PIEZO2: variants seen among roughly 807,000 people sequenced by gnomAD.
PIEZO2 encodes the protein piezo-type mechanosensitive ion channel component 2.
Under a neutral mutation model 337.3 loss-of-function variants are expected in PIEZO2, and 172 were observed. The observed-to-expected ratio is 0.51, with a 90% confidence interval of 0.45 to 0.58. The LOEUF (loss-of-function observed/expected upper bound fraction) is 0.58, where lower values mean the gene tolerates loss of function less well. Ranked by LOEUF, PIEZO2 falls within the 20% of genes least tolerant of loss-of-function variation. The pLI is 0.00. For missense variants in PIEZO2, 3,028 were observed against 3,391.3 expected (o/e 0.89, Z 2.66); for synonymous variants, 1,251 against 1,228.5 (o/e 1.02, Z -0.38).
intron 3 of PIEZO2, among the ~76,000 whole-genome samples, chr18:10,941,867 T>A (rs2032741357): frequency 6.6e-6 from 1 of 152,202 alleles, no homozygotes; most frequent in Non-Finnish European, 1.5e-5. Flanking sequence ...GTAGCTCCCA[T>A]AATTCCCACA....
chr18:10,710,547 T>A (rs552461564), intron 39 of PIEZO2, among the ~76,000 whole-genome samples: 2 of 152,372 alleles, frequency 1.3e-5, no homozygotes, highest in East Asian at 3.9e-4. Flanking sequence ...CCATTTTACA[T>A]CTGGATTTGA....
Position 10,781,883 on chromosome 18 carries a change from C to T in PIEZO2, c.2493-1517G>A, listed in dbSNP as rs916596659. Among the ~76,000 whole-genome samples the T allele has an allele frequency of 2.6e-5, 4 of 151,966 alleles. No homozygotes were observed. Among genetic ancestry groups the T allele is most frequent in the Non-Finnish European group, 4.4e-5 (3 of 67,998 alleles). On this transcript the variant is annotated intron_variant, in intron 17 of 55. Transcript: ENST00000674853. This position sits in a 1 kb window ranked among gnomAD's most constrained non-coding sequence, Gnocchi z 4.1. Reference sequence around the variant, plus strand: ...GATCTGTGGGCCATTTCTTGTAAAGCAACTGTTTAGGAGGCAGGAGCAGAG... The same window carrying T: ...GATCTGTGGGCCATTTCTTGTAAAGTAACTGTTTAGGAGGCAGGAGCAGAG...
chr18:10,719,555 T>C (rs1347411557), intron 36 of PIEZO2, among the ~76,000 whole-genome samples: 2 of 152,236 alleles, frequency 1.3e-5, no homozygotes, highest in Non-Finnish European at 2.9e-5. Context: ...TAGTATTCCA[T>C]GACATATACA....
chr18:10,785,276 T>A (rs1191505825), intron 16 of PIEZO2, among the ~76,000 whole-genome samples: 1 of 152,126 alleles, frequency 6.6e-6, no homozygotes, highest in Non-Finnish European at 1.5e-5. Flanking sequence ...TCCTCCATGA[T>A]CTCCCCCTTT....
intron 9 of PIEZO2, among the ~76,000 whole-genome samples, chr18:10,801,852 C>T (rs112249105): frequency 2.6e-5 from 4 of 152,084 alleles, no homozygotes; most frequent in African/African-American, 7.2e-5. Context: ...TTTGAGAGTC[C>T]AAGGCAGGCA....
rs1299623877 is a variant in PIEZO2, at chr18:10,979,252, G to T, written c.286+283C>A. Reference sequence around the variant, plus strand: ...GCTCCAAGGGCTGTCTGTAACTCTTGAATTTTAGGTTAAGCTCAATGAAAA... The same window carrying T: ...GCTCCAAGGGCTGTCTGTAACTCTTTAATTTTAGGTTAAGCTCAATGAAAA... On this transcript the variant is annotated intron_variant, in intron 3 of 55. Transcript: ENST00000674853. The surrounding 1 kb of genome is among the most constrained non-coding windows in gnomAD (Gnocchi z 4.0). Among the ~76,000 whole-genome samples the T allele has an allele frequency of 6.7e-6, 1 of 149,138 alleles. No homozygotes were observed. The highest frequency in any genetic ancestry group is 2.0e-4 in the East Asian group (1 of 5,094).
intron 4 of PIEZO2, among the ~76,000 whole-genome samples, chr18:10,887,397 C>A (rs2042638854): frequency 6.6e-6 from 1 of 152,006 alleles, no homozygotes; most frequent in Non-Finnish European, 1.5e-5. Flanking sequence ...ACCAGATCTA[C>A]TGAGAACTTG....
intron 4 of PIEZO2, among the ~76,000 whole-genome samples, chr18:10,871,875 T>G (rs1379237437): frequency 6.6e-6 from 1 of 152,200 alleles, no homozygotes; most frequent in Admixed American, 6.5e-5. Flanking sequence ...TTTGTATACT[T>G]GGTTGATTTT....
intron 7 of PIEZO2, among the ~76,000 whole-genome samples, chr18:10,809,146 G>T (rs2040094243): frequency 6.6e-6 from 1 of 150,426 alleles, no homozygotes; most frequent in African/African-American, 2.4e-5. Context: ...GCAATGTATA[G>T]ACCTAAAAAA....
rs567262964 is a variant in PIEZO2, at chr18:11,078,026, GCACACACACC to G, written c.65-11814_65-11805del. Among the ~76,000 whole-genome samples, 829 of 142,150 alleles carry G rather than the reference GCACACACACC, an allele frequency of 5.8e-3. 8 individuals carry two copies. Among genetic ancestry groups the G allele is most frequent in the African/African-American group, 0.015 (535 of 36,166 alleles). The allele number at this position is 142,150 out of a possible 152,430, so 93.3% of individuals were successfully genotyped here. A position where few individuals can be genotyped will look rare whatever the true frequency, so the allele number is the denominator to read the frequency against. Reference sequence around the variant, plus strand: ...CATACACGCAAAAACACATGTGCGTGCACACACACCCACACACACCCACACACACACACAC... The same window carrying G: ...CATACACGCAAAAACACATGTGCGTGCACACACACCCACACACACACACAC... On this transcript the variant is annotated intron_variant, in intron 1 of 55. Coordinates refer to ENST00000674853, the MANE Select transcript of PIEZO2 (RefSeq NM_001378183.1). This position sits in a 1 kb window ranked among gnomAD's most constrained non-coding sequence, Gnocchi z 5.3.
At chr18:10,884,773 C>T (rs2042525249) in intron 4 of PIEZO2, among the ~76,000 whole-genome samples, 1 of 152,064 alleles carries the variant, frequency 6.6e-6, no homozygotes, top group Admixed American at 6.5e-5. Context: ...AGATAAGATA[C>T]ACAGTGGGTG....
At chr18:10,798,280 T>C (rs908078408) in intron 11 of PIEZO2, among the ~76,000 whole-genome samples, 4 of 152,238 alleles carry the variant, frequency 2.6e-5, no homozygotes, top group Admixed American at 2.6e-4. Context: ...CCTTTCTGCC[T>C]TTCTTGTTCA....
intron 14 of PIEZO2, among the ~76,000 whole-genome samples, chr18:10,790,740 C>T (rs1208131238): frequency 6.8e-6 from 1 of 146,154 alleles, no homozygotes; most frequent in African/African-American, 2.6e-5. Context: ...GAGACTCGCT[C>T]TGTCGCCCAG....
Position 10,968,229 on chromosome 18 carries a change from T to C in PIEZO2, c.286+11306A>G, listed in dbSNP as rs376321708. Among the ~76,000 whole-genome samples the C allele has an allele frequency of 1.2e-4, 19 of 152,332 alleles. No individual in the cohort carries two copies. In the South Asian group the frequency reaches 3.9e-3, roughly 32 times the overall value. ...GTGTCCTTTCCTCACTTTATGTTCT[T>C]GTTTGCTTTATCAAAGATCAGTTAG... On this transcript the variant is annotated intron_variant, in intron 3 of 55. Coordinates refer to ENST00000674853, the MANE Select transcript of PIEZO2 (RefSeq NM_001378183.1).
chr18:11,101,308 G>A lies in PIEZO2; in HGVS notation c.65-35086C>T, dbSNP rs2039412508. 2.0e-5 allele frequency among the ~76,000 whole-genome samples: 3 copies of A among 152,342 alleles called. No homozygotes were observed. The highest frequency in any genetic ancestry group is 1.9e-4 in the East Asian group (1 of 5,182). ...AATGGAGAGTCAATCCTGAGGCCTC[G>A]AGTGCTGCACGTGGGTCCCCACGCA... On this transcript the variant is annotated intron_variant, in intron 1 of 55. Transcript: ENST00000674853. The surrounding 1 kb of genome is among the most constrained non-coding windows in gnomAD (Gnocchi z 4.4).
At chr18:10,791,073 G>A (rs1472860224) in intron 14 of PIEZO2, 128 bp downstream of exon 14, 3 of 1,078,496 alleles carry the variant, frequency 2.8e-6, no homozygotes, top group Non-Finnish European at 2.5e-6. Context: ...CTGTAATAAC[G>A]TTACTTATTG....
rs908737926 is a variant in PIEZO2, at chr18:10,780,258, T to A, written c.2534+67A>T. 3.0e-5 allele frequency: 21 copies of A among 700,632 alleles called. No individual in the cohort carries two copies. The African/African-American group carries it at 3.1e-4, about 11-fold the overall frequency. 43.4% of individuals were successfully genotyped at this position (700,632 alleles called of 1,614,324 possible). A position where few individuals can be genotyped will look rare whatever the true frequency, so the allele number is the denominator to read the frequency against. The stretch of plus-strand genomic sequence containing the variant: ...AACACGATTTTCATGTATAAAGCAG[T>A]TAAGAGTTTAACACAGCAAGAAATA... On this transcript the variant is annotated intron_variant, in intron 18 of 55. Transcript: ENST00000674853.
chr18:10,900,507 G>A (rs2043018487), intron 4 of PIEZO2, among the ~76,000 whole-genome samples: 1 of 152,168 alleles, frequency 6.6e-6, no homozygotes, highest in African/African-American at 2.4e-5. Context: ...ATGACAATGG[G>A]TTTGAACAAA....
At chr18:10,763,222 C>A in intron 21 of PIEZO2, 124 bp from the exon 22 acceptor site, 1 of 986,744 alleles carries the variant, frequency 1.0e-6, no homozygotes, top group Non-Finnish European at 1.5e-6. Context: ...TCCTAGCATG[C>A]GCAAGGAATT....
Sources: gnomAD v4.1 joint callset for allele counts (sites outside exome capture counted in the v4.1 genomes callset) on GRCh38, gnomAD v4.1.1 for gene constraint, Gnocchi (gnomAD v3.1) non-coding constraint, MANE v1.5 for transcripts, NCBI Gene and HGNC (gene_info 2026-07-23, HGNC 2026-07-21) for gene names.